C1QTNF9B: variants seen among roughly 807,000 people sequenced by gnomAD.
The protein encoded by C1QTNF9B is complement C1q and tumor necrosis factor-related protein 9B.
C1QTNF9B carries 9 observed loss-of-function variants against 10.1 expected under a neutral mutation model. The ratio of observed to expected loss-of-function variants is 0.89; its 90% confidence interval spans 0.53 to 1.55. The LOEUF (loss-of-function observed/expected upper bound fraction) is 1.55, where lower values mean the gene tolerates loss of function less well. C1QTNF9B is among the 40% of genes most tolerant of loss of function. C1QTNF9B has a pLI of 0.00. For synonymous variants in C1QTNF9B, 79 were observed against 159.9 expected (o/e 0.49, Z 3.82); for missense variants, 196 against 414.4 (o/e 0.47, Z 4.58).
exon 3 of C1QTNF9B, chr13:23,891,972 C>T: frequency 6.2e-7 from 1 of 1,614,040 alleles, no homozygotes; most frequent in Non-Finnish European, 8.5e-7. Context: ...CCCATGGGCC[C>T]TGCAAGCCCC....
chr13:23,895,870 A>G (rs1872182456), intron 1 of C1QTNF9B, among the ~76,000 whole-genome samples: 1 of 152,022 alleles, frequency 6.6e-6, no homozygotes, highest in Non-Finnish European at 1.5e-5. Flanking sequence ...GCTATTTGCT[A>G]CCGGGGGACT....
upstream of C1QTNF9B, chr13:23,897,239 TA>T (rs932430463): frequency 2.6e-5 from 13 of 496,200 alleles, no homozygotes; most frequent in South Asian, 1.4e-4. Context: ...GAACGGGCAA[TA>T]AAAAAAAGCC....
intron 2 of C1QTNF9B, 85 bp downstream of exon 4, chr13:23,894,054 A>G (rs143421360): frequency 2.0e-5 from 28 of 1,388,526 alleles, no homozygotes; most frequent in South Asian, 1.9e-4. Flanking sequence ...ATAAGATTAT[A>G]ATCAGCATGG....
intron 1 of C1QTNF9B, chr13:23,894,702 C>A (rs1872138302): frequency 4.4e-6 from 2 of 452,098 alleles, no homozygotes; most frequent in Non-Finnish European, 8.9e-6. Flanking sequence ...AGAGAGAGTT[C>A]TGGAGGGATC....
At chr13:23,894,077 T>C in intron 2 of C1QTNF9B, 62 bp downstream of exon 4, 1 of 1,333,128 alleles carries the variant, frequency 7.5e-7, no homozygotes, top group Non-Finnish European at 1.1e-6. Flanking sequence ...GACTTGTCCA[T>C]GGTAATATTG....
chr13:23,892,813 C>T (rs1289427523), intron 2 of C1QTNF9B, among the ~76,000 whole-genome samples: 1 of 152,194 alleles, frequency 6.6e-6, no homozygotes, highest in Non-Finnish European at 1.5e-5. Context: ...ACCATGCTGG[C>T]TATTAAATAA....
intron 2 of C1QTNF9B, 60 bp downstream of exon 4, chr13:23,894,079 G>T (rs1327331895): frequency 1.5e-6 from 2 of 1,340,494 alleles, no homozygotes; most frequent in African/African-American, 1.4e-5. Context: ...CTTGTCCATG[G>T]TAATATTGTT....
upstream of C1QTNF9B, chr13:23,897,185 G>C: frequency 1.6e-6 from 1 of 626,984 alleles, no homozygotes; most frequent in South Asian, 2.5e-5. Flanking sequence ...GGATGACATT[G>C]TCCTTGGAAG....
At chr13:23,891,232 A>T (rs1249937002) in exon 3 of C1QTNF9B, 1 of 1,389,424 alleles carries the variant, frequency 7.2e-7, no homozygotes, top group Non-Finnish European at 9.7e-7. Context: ...CATCTGAATA[A>T]GTTCATCCCA....
intron 1 of C1QTNF9B, among the ~76,000 whole-genome samples, chr13:23,896,463 G>T (rs141757154): frequency 6.6e-6 from 1 of 152,230 alleles, no homozygotes; most frequent in African/African-American, 2.4e-5. Context: ...TTGGCCTCGT[G>T]TTGCCAAAAA....
chr13:23,895,612 G>A (rs2137568682), intron 1 of C1QTNF9B, among the ~76,000 whole-genome samples: 1 of 152,122 alleles, frequency 6.6e-6, no homozygotes, highest in South Asian at 2.1e-4. Context: ...AGAGAAATTT[G>A]GTATTGAATA....
intron 1 of C1QTNF9B, among the ~76,000 whole-genome samples, chr13:23,895,036 A>G (rs1872148756): frequency 6.6e-6 from 1 of 152,152 alleles, no homozygotes; most frequent in Non-Finnish European, 1.5e-5. Context: ...ACACAGGCAG[A>G]CTTATTTCTG....
At position 23,891,361 on chromosome 13, in the gene C1QTNF9B, C is replaced by CCT. The variant is rs775535472; in HGVS notation, c.928_929dup (p.Phe311GlyfsTer52). The CCT allele has an allele frequency of 1.3e-6, 2 of 1,577,848 alleles. No homozygotes were observed. The highest frequency in any genetic ancestry group is 1.7e-6 in the Non-Finnish European group (2 of 1,151,630). ...CCTCATCAGCAAACAAGCCATTGAA[C>CCT]CTCTCTCCTCCTGTCACCTGCAGCC... On this transcript the variant is annotated frameshift_variant, in exon 3 of 3. Coordinates refer to ENST00000382137, the Ensembl canonical transcript of C1QTNF9B. LOFTEE classifies it high-confidence loss of function.
At chr13:23,891,503 T>C (rs755825031) in exon 3 of C1QTNF9B, 33 of 1,606,850 alleles carry the variant, frequency 2.1e-5, no homozygotes, top group Non-Finnish European at 2.6e-5. Context: ...CAAAGACACC[T>C]GAACATTCCT....
chr13:23,895,120 G>A lies in C1QTNF9B; in HGVS notation c.167-919C>T, dbSNP rs541818638. ...GGTCAGCGTGGGACCTCTGAATGGA[G>A]GGGGCTTATCCCTACATTTGCCCCT... On this transcript the variant is annotated intron_variant, in intron 1 of 2. Transcript: ENST00000382137. Among the ~76,000 whole-genome samples the A allele has an allele frequency of 5.7e-3, 859 of 151,870 alleles. 8 individuals carry two copies. Among genetic ancestry groups the A allele is most frequent in the African/African-American group, 0.02 (812 of 41,486 alleles).
exon 3 of C1QTNF9B, chr13:23,891,143 A>G (rs575016315): frequency 2.2e-5 from 17 of 786,486 alleles, no homozygotes; most frequent in South Asian, 3.3e-5. Flanking sequence ...AGTTACATAG[A>G]ATCAGTTTTG....
At chr13:23,891,637 A>T (rs1421704953) in exon 3 of C1QTNF9B, 8 of 1,613,640 alleles carry the variant, frequency 5.0e-6, no homozygotes, top group Non-Finnish European at 6.8e-6. Context: ...TAATGGGCAC[A>T]TCTGAAGAAG....
intron 2 of C1QTNF9B, among the ~76,000 whole-genome samples, chr13:23,892,789 T>C (rs1181230360): frequency 6.6e-6 from 1 of 152,172 alleles, no homozygotes; most frequent in Non-Finnish European, 1.5e-5. Flanking sequence ...ATTACAACCC[T>C]ACCATCTAAG....
chr13:23,891,168 G>T, exon 3 of C1QTNF9B: 1 of 1,042,440 alleles, frequency 9.6e-7, no homozygotes, highest in Non-Finnish European at 1.3e-6. Context: ...TAACTTTTCC[G>T]TTTTCACCTT....
Sources: allele counts gnomAD v4.1 joint callset (sites outside exome capture counted in the v4.1 genomes callset), GRCh38; gene constraint gnomAD v4.1.1; transcripts MANE v1.5; gene names NCBI Gene and HGNC (gene_info 2026-07-23, HGNC 2026-07-21).